The following ZCCHC7 variants were observed in gnomAD, a reference collection of about 807,000 sequenced individuals.
ZCCHC7 encodes the protein zinc finger CCHC domain-containing protein 7.
Under a neutral mutation model 52.0 loss-of-function variants are expected in ZCCHC7, and 35 were observed. That is an observed-to-expected ratio of 0.67 (90% CI 0.51 to 0.89). ZCCHC7 has a LOEUF of 0.89. Ranked by LOEUF, ZCCHC7 falls within the 40% of genes least tolerant of loss-of-function variation. ZCCHC7 has a pLI of 0.00. For missense variants in ZCCHC7, 574 were observed against 649.1 expected, an observed-to-expected ratio of 0.88 and a Z score of 1.26; for synonymous variants, 217 against 221.5, an observed-to-expected ratio of 0.98 and a Z score of 0.18.
At chr9:37,241,235 G>A (rs940252384) in intron 2 of ZCCHC7, among the ~76,000 whole-genome samples, 1 of 151,698 alleles carries the variant, frequency 6.6e-6, no homozygotes, top group African/African-American at 2.4e-5. Context: ...TTTACTTAGA[G>A]CTGAGTATTT....
chr9:37,259,420 A>G (rs1043163432), intron 2 of ZCCHC7, among the ~76,000 whole-genome samples: 2 of 152,136 alleles, frequency 1.3e-5, no homozygotes, highest in African/African-American at 2.4e-5. Context: ...TTATACTTTT[A>G]TAAAGTTTCA....
Position 37,126,792 on chromosome 9 carries a change from A to G in ZCCHC7, c.460A>G (p.Ile154Val). 16 of 1,614,150 alleles carry G rather than the reference A, an allele frequency of 9.9e-6. No individual in the cohort carries two copies. The highest frequency in any genetic ancestry group is 1.4e-5 in the Non-Finnish European group (16 of 1,180,018). Residue 154 changes from isoleucine to valine, a missense_variant, in exon 2 of 9, where the codon ATT (isoleucine) becomes GTT (valine). This residue lies in a region of ZCCHC7 where 403 missense variants were observed against 461.2 expected (regional missense o/e 0.87). Transcript: ENST00000336755. ...ATCAGGTGTAATCCGAGAGGTCATGATTATAGAGGTCAGTTCAAGTGAAGA... is the reference window on the plus strand; with the variant it reads ...ATCAGGTGTAATCCGAGAGGTCATGGTTATAGAGGTCAGTTCAAGTGAAGA... The part of the protein sequence containing the change: ...ERSGVIREVM[I>V]IEVSSSEEEE...
chr9:37,346,994 CA>C (rs112381277), intron 6 of ZCCHC7, among the ~76,000 whole-genome samples: 11 of 148,546 alleles, frequency 7.4e-5, no homozygotes, highest in African/African-American at 4.9e-5. Context: ...AGACCCTGTC[CA>C]AAAAAAAAAT....
chr9:37,251,589 A>C (rs528609088), intron 2 of ZCCHC7, among the ~76,000 whole-genome samples: 1 of 152,308 alleles, frequency 6.6e-6, no homozygotes, highest in South Asian at 2.1e-4. Flanking sequence ...GGCTCCCTTA[A>C]TAGGAGAAGT....
At chr9:37,146,771 T>C (rs968582595) in intron 2 of ZCCHC7, among the ~76,000 whole-genome samples, 1 of 151,926 alleles carries the variant, frequency 6.6e-6, no homozygotes, top group Non-Finnish European at 1.5e-5. Flanking sequence ...TTTGTTTCTC[T>C]TCTCATTACT....
At chr9:37,151,325 T>G (rs1390253091) in intron 2 of ZCCHC7, among the ~76,000 whole-genome samples, 3 of 152,188 alleles carry the variant, frequency 2.0e-5, no homozygotes, top group Non-Finnish European at 2.9e-5. Context: ...ATCCTTCAAG[T>G]CTTTCTCAGT....
chr9:37,203,374 C>T (rs1015069381), intron 2 of ZCCHC7, among the ~76,000 whole-genome samples: 1 of 152,028 alleles, frequency 6.6e-6, no homozygotes, highest in South Asian at 2.1e-4. Context: ...CATAGGTATA[C>T]GTGTGCCATG....
intron 1 of ZCCHC7, among the ~76,000 whole-genome samples, chr9:37,125,071 C>T (rs1339681179): frequency 2.6e-5 from 4 of 152,182 alleles, no homozygotes; most frequent in African/African-American, 4.8e-5. Context: ...AGGCTGGTCT[C>T]GAACTCCTGA....
At chr9:37,204,601 A>C (rs1364955048) in intron 2 of ZCCHC7, among the ~76,000 whole-genome samples, 1 of 152,148 alleles carries the variant, frequency 6.6e-6, no homozygotes, top group Non-Finnish European at 1.5e-5. Context: ...AGGTTTGTCA[A>C]AGATCAGATG....
At chr9:37,302,746 G>A (rs1829093289) in intron 3 of ZCCHC7, among the ~76,000 whole-genome samples, 1 of 152,152 alleles carries the variant, frequency 6.6e-6, no homozygotes, top group Non-Finnish European at 1.5e-5. Context: ...TACCAAACAA[G>A]CTAAAGCATG....
At chr9:37,141,252 T>C (rs1843213012) in intron 2 of ZCCHC7, among the ~76,000 whole-genome samples, 1 of 151,906 alleles carries the variant, frequency 6.6e-6, no homozygotes, top group African/African-American at 2.4e-5. Context: ...ACTTTTCCAC[T>C]TTTTCTTTTT....
intron 2 of ZCCHC7, among the ~76,000 whole-genome samples, chr9:37,301,363 G>T (rs1829023121): frequency 6.6e-6 from 1 of 152,170 alleles, no homozygotes; most frequent in Admixed American, 6.5e-5. Flanking sequence ...TTGGGAGGCT[G>T]AAGTGGGTGG....
At chr9:37,258,228 T>G (rs1301247149) in intron 2 of ZCCHC7, among the ~76,000 whole-genome samples, 2 of 152,122 alleles carry the variant, frequency 1.3e-5, no homozygotes, top group Non-Finnish European at 2.9e-5. Context: ...ATAGGACCAT[T>G]TTTACATCAG....
At chr9:37,163,512 G>T (rs558602406) in intron 2 of ZCCHC7, among the ~76,000 whole-genome samples, 1 of 151,944 alleles carries the variant, frequency 6.6e-6, no homozygotes. Context: ...CTAACCCTAC[G>T]AACAGTCTTG....
intron 5 of ZCCHC7, among the ~76,000 whole-genome samples, chr9:37,306,590 C>T (rs1159632534): frequency 1.9e-4 from 29 of 151,000 alleles, no homozygotes; most frequent in South Asian, 2.1e-4. Context: ...CTCAGCCTCC[C>T]GAGTAGCTGG....
At chr9:37,147,208 T>C (rs976107390) in intron 2 of ZCCHC7, among the ~76,000 whole-genome samples, 3 of 151,956 alleles carry the variant, frequency 2.0e-5, no homozygotes, top group Non-Finnish European at 4.4e-5. Context: ...ACCTCCAAAT[T>C]ATGCTACTTC....
In ZCCHC7 at chr9:37,155,119, G is replaced by A. The variant is rs528557437; in HGVS notation, c.610+28177G>A. 2.9e-3 allele frequency among the ~76,000 whole-genome samples: 443 copies of A among 152,276 alleles called. 5 individuals are homozygous for A. Among genetic ancestry groups the A allele is most frequent in the African/African-American group, 0.01 (426 of 41,564 alleles). ...CTCACACCTGTAATCCCAGCACTTTGGGAGGCCAAGGCGGGCGGATCATGA... is the reference window on the plus strand; with the variant it reads ...CTCACACCTGTAATCCCAGCACTTTAGGAGGCCAAGGCGGGCGGATCATGA... On this transcript the variant is annotated intron_variant, in intron 2 of 8. Transcript: ENST00000336755.
chr9:37,197,795 G>A (rs1823368092), intron 2 of ZCCHC7, among the ~76,000 whole-genome samples: 1 of 152,136 alleles, frequency 6.6e-6, no homozygotes, highest in African/African-American at 2.4e-5. Flanking sequence ...TGAGATCTGG[G>A]CCAGTGACAA....
intron 2 of ZCCHC7, among the ~76,000 whole-genome samples, chr9:37,257,626 T>A (rs1328949501): frequency 6.6e-6 from 1 of 152,118 alleles, no homozygotes; most frequent in Admixed American, 6.5e-5. Context: ...TTAATTTTTT[T>A]TTTTTTAGTT....
Sources: allele counts gnomAD v4.1 joint callset (sites outside exome capture counted in the v4.1 genomes callset), GRCh38; gene constraint gnomAD v4.1.1; regional missense constraint gnomAD v4.1.1; transcripts MANE v1.5; gene names NCBI Gene and HGNC (gene_info 2026-07-23, HGNC 2026-07-21).